UBR4: variants seen among roughly 807,000 people sequenced by gnomAD.
UBR4 encodes the protein ubiquitin protein ligase E3 component n-recognin 4.
Under a neutral mutation model 575.6 loss-of-function variants are expected in UBR4, and 124 were observed. The observed-to-expected ratio is 0.22, with a 90% CI of 0.19 to 0.25. UBR4 has a LOEUF of 0.25. Among genes scored for constraint, UBR4 ranks in the 10% least tolerant of loss-of-function variants. The pLI, the probability that UBR4 is intolerant of heterozygous loss-of-function variation, is 1.00. For missense variants in UBR4, 4,818 were observed against 6,478.8 expected, an observed-to-expected ratio of 0.74 and a Z score of 8.80; for synonymous variants, 2,455 against 2,473.7, an observed-to-expected ratio of 0.99 and a Z score of 0.22.
rs891272498 is a variant in UBR4, at chr1:19,139,361, G to A, written c.8594-141C>T. 2.8e-4 allele frequency: 323 copies of A among 1,154,702 alleles called. No individual in the cohort carries two copies. Among genetic ancestry groups the A allele is most frequent in the Middle Eastern group, 2.2e-3 (7 of 3,186 alleles). The allele number at this position is 1,154,702 out of a possible 1,614,324, so 71.5% of individuals were successfully genotyped here. A position where few individuals can be genotyped will look rare whatever the true frequency, so the allele number is the denominator to read the frequency against. ...CACAATGCAGTTTATATATCCTGTC[G>A]TCAAAGAAAAAAGGGAGAGATTTGC... is the stretch of plus-strand genomic sequence containing the variant. On this transcript the variant is annotated intron_variant, in intron 58 of 105. Coordinates refer to ENST00000375254, the MANE Select transcript of UBR4 (RefSeq NM_020765.3). This position sits in a 1 kb window ranked among gnomAD's most constrained non-coding sequence, Gnocchi z 4.2.
In UBR4 at chr1:19,150,807, G is replaced by C; in HGVS notation, c.7214-14C>G. On this transcript the variant is annotated splice_polypyrimidine_tract_variant and intron_variant, in intron 48 of 105. Coordinates refer to ENST00000375254, the MANE Select transcript of UBR4 (RefSeq NM_020765.3). ...CCGAGGCCCCAACTGCAATAAGCAA[G>C]AGAGGCCTTTAGGAAGCACATTCTC... 1.9e-6 allele frequency: 3 copies of C among 1,613,188 alleles called. No homozygotes were observed. The highest frequency in any genetic ancestry group is 1.7e-6 in the Non-Finnish European group (2 of 1,179,844).
intron 90 of UBR4, among the ~76,000 whole-genome samples, chr1:19,098,466 G>T (rs6695771): frequency 0.67 from 101,663 of 152,160 alleles, 34,757 homozygotes; most frequent in East Asian, 0.81. Context: ...GAGATACCCT[G>T]GTGCATTCTG....
chr1:19,164,123 A>C, intron 33 of UBR4, 130 bp downstream of exon 33: 1 of 1,096,984 alleles, frequency 9.1e-7, no homozygotes, highest in Non-Finnish European at 1.3e-6. Flanking sequence ...TTTGCTACCC[A>C]CCCAACTCCC....
intron 102 of UBR4, among the ~76,000 whole-genome samples, 172 bp downstream of exon 102, chr1:19,084,323 TTTTTCTGCA>T (rs2076802995): frequency 6.6e-6 from 1 of 152,142 alleles, no homozygotes; most frequent in Non-Finnish European, 1.5e-5. Flanking sequence ...CCTTTATTGC[TTTTTCTGCA>T]TGGCCCTAAA....
chr1:19,186,652 A>G lies in UBR4; in HGVS notation c.1638T>C (p.Cys546=). 6.2e-7 allele frequency: 1 copy of G among 1,613,830 alleles called. No homozygotes were observed. Among genetic ancestry groups the G allele is most frequent in the Non-Finnish European group, 8.5e-7 (1 of 1,179,764 alleles). ...TLLSTSYRKA[C]VLQRQRKGSM... is the part of the protein sequence containing the mutation. ...AGCCCTTCCTCTGCCGCTGCAGGAC[A>G]CATGCCTAGGAAAATGACAATTACA... The change falls in exon 14 of 106, where the codon TGT becomes TGC. Residue 546 remains cysteine, a synonymous_variant. Transcript: ENST00000375254.
At chr1:19,164,189 A>G (rs1406664213) in intron 33 of UBR4, 64 bp downstream of exon 33, 5 of 1,537,756 alleles carry the variant, frequency 3.3e-6, no homozygotes, top group Non-Finnish European at 4.4e-6. Context: ...TTTGAGCTAT[A>G]AAGAAAGTAA....
chr1:19,186,485 A>C, intron 14 of UBR4, 55 bp downstream of exon 14: 2 of 1,490,120 alleles, frequency 1.3e-6, no homozygotes, highest in East Asian at 2.3e-5. Context: ...TGCTGAGAAC[A>C]CTCCTGTTGC....
chr1:19,112,870 A>G lies in UBR4; in HGVS notation c.11458-3T>C, dbSNP rs1440999799. Reference sequence around the variant, plus strand: ...TCTTTGCGCGAAGCAAAGACTTTCTAAGAACAAAAAGGCAACAATAATGGG... The same window carrying G: ...TCTTTGCGCGAAGCAAAGACTTTCTGAGAACAAAAAGGCAACAATAATGGG... On this transcript the variant is annotated splice_region_variant and splice_polypyrimidine_tract_variant and intron_variant, in intron 77 of 105. Transcript: ENST00000375254. The G allele has an allele frequency of 6.4e-7, 1 of 1,554,876 alleles. No individual in the cohort carries two copies. Among genetic ancestry groups the G allele is most frequent in the Non-Finnish European group, 8.7e-7 (1 of 1,147,598 alleles).
chr1:19,116,567 T>C (rs1047620687), intron 73 of UBR4, among the ~76,000 whole-genome samples: 2 of 152,232 alleles, frequency 1.3e-5, no homozygotes, highest in African/African-American at 4.8e-5. Flanking sequence ...TCTGTAAGTC[T>C]TACTATTCAA....
chr1:19,176,480 GATTACACTAAAGCAA>G, intron 20 of UBR4, 97 bp downstream of exon 20: 1 of 1,299,782 alleles, frequency 7.7e-7, no homozygotes, highest in Non-Finnish European at 1.1e-6. Flanking sequence ...CACCCATAGG[GATTACACTAAAGCAA>G]ATGACCAAAG....
At chr1:19,145,349 C>T (rs1227496445) in intron 53 of UBR4, among the ~76,000 whole-genome samples, 1 of 152,168 alleles carries the variant, frequency 6.6e-6, no homozygotes, top group East Asian at 1.9e-4. Context: ...TTCTATATTG[C>T]TATTCAGACC....
At chr1:19,163,712 G>T in intron 34 of UBR4, 52 bp downstream of exon 34, 2 of 1,586,270 alleles carry the variant, frequency 1.3e-6, no homozygotes, top group Non-Finnish European at 1.7e-6. Context: ...GACCACAGAG[G>T]TGAGAATCAC....
At chr1:19,086,540 C>A in intron 100 of UBR4, 139 bp downstream of exon 100, 4 of 1,305,094 alleles carry the variant, frequency 3.1e-6, no homozygotes, top group Non-Finnish European at 4.2e-6. Context: ...TGCTTGGGGA[C>A]CTATATGGTG....
chr1:19,151,507 T>TC, intron 48 of UBR4, 136 bp downstream of exon 48: 1 of 941,902 alleles, frequency 1.1e-6, no homozygotes, highest in Non-Finnish European at 1.7e-6. Flanking sequence ...CAAATGAAGC[T>TC]CAAAGTTTCC....
chr1:19,080,875 G>A (rs1274819809), intron 103 of UBR4: 2 of 156,902 alleles, frequency 1.3e-5, no homozygotes, highest in African/African-American at 2.4e-5. Context: ...ATAGGAGAGT[G>A]GTCTAGAGGA....
Position 19,104,159 on chromosome 1 carries a change from G to A in UBR4, c.12826C>T (p.Leu4276=), listed in dbSNP as rs2078943831. ...VLNGYLCLRK[L]VVQRTKLIDE... is the part of the protein sequence containing the mutation. The stretch of plus-strand genomic sequence containing the variant: ...ATCAGCTTGGTCCTCTGCACCACCA[G>A]CTTCCGCAAGCACAGGTATCCATTC... Residue 4276 remains leucine (L), a synonymous_variant, in exon 87 of 106, where the codon CTG becomes TTG. Coordinates refer to ENST00000375254, the MANE Select transcript of UBR4 (RefSeq NM_020765.3). 1 of 1,614,114 alleles carries A rather than the reference G, an allele frequency of 6.2e-7. No individual in the cohort carries two copies. The highest frequency in any genetic ancestry group is 1.7e-5 in the Admixed American group (1 of 60,008).
rs2149153174 is a variant in UBR4, at chr1:19,104,823, A to AT, written c.12646-158_12646-157insA. ...TCCTTTCCAGGAAGCCAACAGTCAC[A>AT]GCGCTGGTAAGGGATTGCTTAAAAA... On this transcript the variant is annotated intron_variant, in intron 85 of 105. Transcript: ENST00000375254. 11 of 1,059,708 alleles carry AT rather than the reference A, an allele frequency of 1.0e-5. No homozygotes were observed. The South Asian group carries it at 1.7e-4, about 16-fold the overall frequency. 65.6% of individuals were successfully genotyped at this position (1,059,708 alleles called of 1,614,324 possible). A position where few individuals can be genotyped will look rare whatever the true frequency, so the allele number is the denominator to read the frequency against.
rs762344024 is a variant in UBR4, at chr1:19,138,133, G to A, written c.8780C>T (p.Pro2927Leu). Residue 2927 changes from proline to leucine, a missense_variant, in exon 60 of 106, where the codon CCG becomes CTG. By Grantham distance (98) the Pro-to-Leu change is moderately conservative. This residue lies in a region of UBR4 where 57 missense variants were observed against 101.5 expected (regional missense o/e 0.56). Coordinates refer to ENST00000375254, the MANE Select transcript of UBR4 (RefSeq NM_020765.3). ...AYGDATAEGH[P>L]AGPGSVSSST... The stretch of plus-strand genomic sequence containing the variant: ...TGAGCTGACACTTCCTGGTCCAGCC[G>A]GATGCCCCTCAGCTGTAGCATCGCC... The A allele has an allele frequency of 1.6e-5, 26 of 1,595,484 alleles. No homozygotes were observed. Among genetic ancestry groups the A allele is most frequent in the South Asian group, 1.1e-4 (10 of 87,662 alleles).
At chr1:19,085,743 T>TC (rs1278006462) in intron 101 of UBR4, among the ~76,000 whole-genome samples, 6 of 151,638 alleles carry the variant, frequency 4.0e-5, no homozygotes, top group East Asian at 1.9e-4. Flanking sequence ...GAGCCCAACA[T>TC]CCCCCCTGCC....
Sources: gnomAD v4.1 joint callset for allele counts (sites outside exome capture counted in the v4.1 genomes callset) on GRCh38, gnomAD v4.1.1 for gene constraint, gnomAD v4.1.1 regional missense constraint, Gnocchi (gnomAD v3.1) non-coding constraint, MANE v1.5 for transcripts, NCBI Gene and HGNC (gene_info 2026-07-23, HGNC 2026-07-21) for gene names.